The following NUMB variants were observed in gnomAD, a reference collection of about 807,000 sequenced individuals.
The protein encoded by NUMB is NUMB endocytic adaptor protein.
Under a neutral mutation model 59.7 loss-of-function variants are expected in NUMB, and 29 were observed. That is an observed-to-expected ratio of 0.49 (90% CI 0.36 to 0.66). The LOEUF (loss-of-function observed/expected upper bound fraction) is 0.66. Ranked by LOEUF, NUMB falls within the 30% of genes least tolerant of loss-of-function variation. The probability of loss-of-function intolerance (pLI) is 0.00; values close to 1 mark genes in which losing one functional copy is unlikely to be tolerated. For missense variants in NUMB, 723 were observed against 822.0 expected (o/e 0.88, Z 1.47); for synonymous variants, 288 against 288.2 (o/e 1.00, Z 0.01).
chr14:73,364,191 A>C (rs1894225313), intron 3 of NUMB, among the ~76,000 whole-genome samples: 1 of 152,198 alleles, frequency 6.6e-6, no homozygotes. Context: ...TTTAACCTAG[A>C]AAAAGTTTCT....
chr14:73,378,190 A>G (rs1895062706), intron 2 of NUMB, among the ~76,000 whole-genome samples: 1 of 152,190 alleles, frequency 6.6e-6, no homozygotes, highest in Non-Finnish European at 1.5e-5. Context: ...CTGCAAATTA[A>G]AACAACCAGA....
intron 9 of NUMB, chr14:73,285,311 T>C (rs1888915174): frequency 6.6e-6 from 1 of 152,198 alleles, no homozygotes; most frequent in Non-Finnish European, 1.5e-5. Context: ...CAATCCTTTG[T>C]AGATCTTGGG....
chr14:73,436,329 T>C (rs148714257), intron 1 of NUMB, among the ~76,000 whole-genome samples: 1 of 152,128 alleles, frequency 6.6e-6, no homozygotes, highest in Non-Finnish European at 1.5e-5. Flanking sequence ...TTTTGTTTTG[T>C]TTTTGTTGAC....
At chr14:73,394,329 T>C (rs1331145849) in intron 2 of NUMB, among the ~76,000 whole-genome samples, 1 of 151,832 alleles carries the variant, frequency 6.6e-6, no homozygotes, top group Non-Finnish European at 1.5e-5. Context: ...TTGAGCTAAT[T>C]AACATATCCA....
intron 3 of NUMB, among the ~76,000 whole-genome samples, chr14:73,358,368 G>C (rs1425252216): frequency 6.6e-6 from 1 of 152,148 alleles, no homozygotes; most frequent in African/African-American, 2.4e-5. Flanking sequence ...TCAAATGCAT[G>C]GTAAACACAG....
At chr14:73,372,784 AT>A (rs1894775390) in intron 2 of NUMB, among the ~76,000 whole-genome samples, 1 of 152,072 alleles carries the variant, frequency 6.6e-6, no homozygotes. Context: ...ATTTCATTAT[AT>A]TCATTGTATT....
At chr14:73,329,010 A>G (rs2139941307) in intron 4 of NUMB, among the ~76,000 whole-genome samples, 1 of 152,294 alleles carries the variant, frequency 6.6e-6, no homozygotes, top group Non-Finnish European at 1.5e-5. Context: ...CTGGGATTAC[A>G]GGCATGTGCC....
chr14:73,429,784 A>G (rs1897746174), intron 1 of NUMB, among the ~76,000 whole-genome samples: 1 of 152,108 alleles, frequency 6.6e-6, no homozygotes, highest in Admixed American at 6.5e-5. Flanking sequence ...CTCTACTAAA[A>G]ATACAAAAAT....
chr14:73,362,283 T>C (rs1465092712), intron 3 of NUMB, among the ~76,000 whole-genome samples: 1 of 151,898 alleles, frequency 6.6e-6, no homozygotes, highest in Non-Finnish European at 1.5e-5. Context: ...CAAAATTGTT[T>C]AAGAATTGTT....
At chr14:73,324,778 C>T (rs958593598) in intron 4 of NUMB, among the ~76,000 whole-genome samples, 1 of 152,072 alleles carries the variant, frequency 6.6e-6, no homozygotes, top group African/African-American at 2.4e-5. Context: ...GAAGATGAAT[C>T]AGAGTAGAAT....
At chr14:73,326,209 G>A (rs558713818) in intron 4 of NUMB, among the ~76,000 whole-genome samples, 2 of 152,270 alleles carry the variant, frequency 1.3e-5, no homozygotes, top group African/African-American at 4.8e-5. Context: ...GCATACTCAG[G>A]ACTTTGACAG....
intron 1 of NUMB, among the ~76,000 whole-genome samples, chr14:73,415,548 C>A (rs1358648173): frequency 6.7e-6 from 1 of 150,120 alleles, no homozygotes; most frequent in Non-Finnish European, 1.5e-5. Context: ...CTTACTGCAA[C>A]CTCCGCCTCC....
intron 4 of NUMB, among the ~76,000 whole-genome samples, chr14:73,336,679 A>T (rs1308887296): frequency 1.3e-5 from 2 of 152,186 alleles, no homozygotes; most frequent in Non-Finnish European, 2.9e-5. Context: ...CAAAACTATA[A>T]TCCAGCCTCA....
intron 1 of NUMB, among the ~76,000 whole-genome samples, chr14:73,424,881 T>C (rs1309179508): frequency 6.6e-6 from 1 of 152,252 alleles, no homozygotes; most frequent in Admixed American, 6.5e-5. Flanking sequence ...CAAGTTTACA[T>C]GACTAGAATG....
At chr14:73,368,407 G>T (rs1159821641) in intron 2 of NUMB, among the ~76,000 whole-genome samples, 1 of 152,014 alleles carries the variant, frequency 6.6e-6, no homozygotes, top group Non-Finnish European at 1.5e-5. Flanking sequence ...GCGAAACCTT[G>T]TCTCTACTAA....
At chr14:73,340,726 A>T (rs1341987211) in intron 4 of NUMB, among the ~76,000 whole-genome samples, 2 of 152,244 alleles carry the variant, frequency 1.3e-5, no homozygotes, top group Non-Finnish European at 2.9e-5. Flanking sequence ...AATAATGAAA[A>T]CTTTTACAAT....
chr14:73,436,116 CAAT>C (rs776431753), intron 1 of NUMB, among the ~76,000 whole-genome samples: 8 of 152,086 alleles, frequency 5.3e-5, no homozygotes, highest in Admixed American at 2.6e-4. Flanking sequence ...CTGTTGTCTA[CAAT>C]AATGATGTAG....
chr14:73,377,994 TACACACACAC>T (rs61489875), intron 2 of NUMB, among the ~76,000 whole-genome samples: 6 of 146,510 alleles, frequency 4.1e-5, no homozygotes, highest in Admixed American at 1.4e-4. Context: ...TATATACACA[TACACACACAC>T]ACACACACAC....
intron 4 of NUMB, among the ~76,000 whole-genome samples, chr14:73,349,025 T>G (rs1893059561): frequency 6.6e-6 from 1 of 152,254 alleles, no homozygotes; most frequent in African/African-American, 2.4e-5. Context: ...TCCTCCATAT[T>G]CATTCTGCAG....
Sources: gnomAD v4.1 joint callset for allele counts (sites outside exome capture counted in the v4.1 genomes callset) on GRCh38, gnomAD v4.1.1 for gene constraint, MANE v1.5 for transcripts, NCBI Gene and HGNC (gene_info 2026-07-23, HGNC 2026-07-21) for gene names.